The following AGO1 variants were observed in gnomAD, a reference collection of about 807,000 sequenced individuals.
AGO1 encodes argonaute RISC component 1.
In AGO1, 11 loss-of-function variants were observed where a neutral mutation model predicts 109.2. The ratio of observed to expected loss-of-function variants is 0.10; its 90% CI spans 0.06 to 0.17. The LOEUF (loss-of-function observed/expected upper bound fraction) is 0.17, where lower values mean the gene tolerates loss of function less well. Ranked by LOEUF, AGO1 falls within the 10% of genes least tolerant of loss-of-function variation. The pLI, the probability that AGO1 is intolerant of heterozygous loss-of-function variation, is 1.00. For missense variants in AGO1, 574 were observed against 1,140.3 expected, an observed-to-expected ratio of 0.50 and a Z score of 7.15; for synonymous variants, 422 against 418.6, an observed-to-expected ratio of 1.01 and a Z score of -0.10.
At chr1:35,903,716 G>A (rs2148716866) in intron 11 of AGO1, among the ~76,000 whole-genome samples, 1 of 152,056 alleles carries the variant, frequency 6.6e-6, no homozygotes, top group East Asian at 1.9e-4. Context: ...TGTAAACCCA[G>A]CACTTTGGGA....
At chr1:35,918,941 C>T in intron 17 of AGO1, 114 bp from the exon 18 acceptor site, 1 of 936,590 alleles carries the variant, frequency 1.1e-6, no homozygotes, top group South Asian at 1.5e-5. Flanking sequence ...TTTGCATCTG[C>T]CTGTTCATGG....
intron 8 of AGO1, among the ~76,000 whole-genome samples, chr1:35,898,288 GCT>G (rs1645355093): frequency 6.7e-6 from 1 of 148,234 alleles, no homozygotes. Context: ...ACGGAGTATC[GCT>G]CTGTTACCCA....
At chr1:35,916,151 T>A (rs1645732010) in intron 15 of AGO1, among the ~76,000 whole-genome samples, 1 of 152,206 alleles carries the variant, frequency 6.6e-6, no homozygotes, top group Admixed American at 6.5e-5. Context: ...CACTTTCTTT[T>A]TTTTTTCCCT....
intron 1 of AGO1, among the ~76,000 whole-genome samples, chr1:35,870,753 C>T (rs1644943271): frequency 6.6e-6 from 1 of 152,176 alleles, no homozygotes; most frequent in Admixed American, 6.5e-5. Context: ...CCCATTCTTT[C>T]CCCTCTGGGA....
At chr1:35,875,731 G>C (rs1644987409) in intron 1 of AGO1, among the ~76,000 whole-genome samples, 1 of 152,096 alleles carries the variant, frequency 6.6e-6, no homozygotes, top group Non-Finnish European at 1.5e-5. Context: ...AATATTTTAA[G>C]TCCACTCTTT....
chr1:35,887,336 G>T (rs982687015), intron 1 of AGO1, among the ~76,000 whole-genome samples: 4 of 152,114 alleles, frequency 2.6e-5, no homozygotes, highest in Non-Finnish European at 4.4e-5. Context: ...TCCCACCTGG[G>T]CTAGTTCTCT....
At chr1:35,895,674 T>G (rs941982110) in intron 8 of AGO1, among the ~76,000 whole-genome samples, 6 of 152,244 alleles carry the variant, frequency 3.9e-5, no homozygotes, top group Non-Finnish European at 5.9e-5. Context: ...TAAATCATGT[T>G]TCTCCAAGGA....
Position 35,923,663 on chromosome 1 carries a change from G to A in AGO1, c.*4056G>A, listed in dbSNP as rs1395952822. 4 of 152,588 alleles carry A rather than the reference G, an allele frequency of 2.6e-5. No homozygotes were observed. Among genetic ancestry groups the A allele is most frequent in the East Asian group, 3.9e-4 (2 of 5,190 alleles). The allele number at this position is 152,588 out of a possible 1,614,324, so 9.5% of individuals were successfully genotyped here. ...TATTTTCTGGTTTTCGCTTTCCTCC[G>A]ACTTAATAGGACTTGCCTTCTCCCT... On this transcript the variant is annotated 3_prime_UTR_variant, in exon 19 of 19. Transcript: ENST00000373204.
chr1:35,918,368 A>G lies in AGO1; in HGVS notation c.2210A>G (p.Asn737Ser), dbSNP rs775311574. Residue 737 changes from asparagine (N) to serine (S), a missense_variant, in exon 17 of 19, where the codon AAC becomes AGC. Around this residue, in one of 8 missense-constraint regions of AGO1, gnomAD observed 62 missense variants for 192.0 expected, o/e 0.32. Coordinates refer to ENST00000373204, the MANE Select transcript of AGO1 (RefSeq NM_012199.5). Reference protein sequence around the residue: ...NIPAGTTVDTNITHPFEFDFY... With the variant: ...NIPAGTTVDTSITHPFEFDFY... ...CCAGCTGGGACCACAGTGGACACCA[A>G]CATCACCCACCCATTTGAGTTTGAC... is the stretch of plus-strand genomic sequence containing the variant. The G allele has an allele frequency of 1.9e-6, 3 of 1,614,158 alleles. 1 individual carries two copies. The South Asian group carries it at 3.3e-5, about 18-fold the overall frequency.
chr1:35,893,707 G>A lies in AGO1; in HGVS notation c.546G>A (p.Pro182=), dbSNP rs923359271. 3.7e-6 allele frequency: 6 copies of A among 1,613,658 alleles called. No individual in the cohort carries two copies. The East Asian group carries it at 6.7e-5, about 18-fold the overall frequency. Residue 182 remains proline (P), a synonymous_variant, in exon 5 of 19, where the codon CCG becomes CCA. Transcript: ENST00000373204. This position sits in a 1 kb window ranked among gnomAD's most constrained non-coding sequence, Gnocchi z 5.6. ...CTGTGGGCCGCTCCTTCTTCTCACC[G>A]CCTGAGGGCTACTACCACCCGCTGG... ...YTPVGRSFFS[P]PEGYYHPLGG...
intron 1 of AGO1, among the ~76,000 whole-genome samples, chr1:35,874,158 T>C (rs1644974740): frequency 1.3e-5 from 2 of 152,202 alleles, no homozygotes; most frequent in Admixed American, 1.3e-4. Flanking sequence ...GATCTACCAA[T>C]GTCATGGGCT....
chr1:35,902,612 T>G (rs1557612961), intron 11 of AGO1, among the ~76,000 whole-genome samples: 4 of 152,228 alleles, frequency 2.6e-5, no homozygotes, highest in Admixed American at 2.0e-4. Context: ...TTATCATTGG[T>G]AATAAATAGT....
At chr1:35,912,643 G>A (rs1248687632) in intron 12 of AGO1, among the ~76,000 whole-genome samples, 1 of 151,942 alleles carries the variant, frequency 6.6e-6, no homozygotes, top group East Asian at 1.9e-4. Context: ...GTGTGATCTC[G>A]TCTCACTGTA....
At chr1:35,878,494 G>A (rs1645009864), upstream of AGO1, among the ~76,000 whole-genome samples, 1 of 152,166 alleles carries the variant, frequency 6.6e-6, no homozygotes, top group South Asian at 2.1e-4. Context: ...CTTCTTAGCG[G>A]TATGGACTGG....
intron 1 of AGO1, among the ~76,000 whole-genome samples, chr1:35,877,837 C>T (rs1230702139): frequency 2.0e-5 from 3 of 151,490 alleles, no homozygotes; most frequent in African/African-American, 4.9e-5. Context: ...GAGTAGCAGG[C>T]GAGCGCCACC....
In AGO1 at chr1:35,883,358, C is replaced by T. The variant is rs1645061351; in HGVS notation, c.-64C>T. 1.1e-5 allele frequency: 17 copies of T among 1,578,994 alleles called. No individual in the cohort carries two copies. Among genetic ancestry groups the T allele is most frequent in the Non-Finnish European group, 1.4e-5 (16 of 1,165,360 alleles). On this transcript the variant is annotated 5_prime_UTR_variant, in exon 1 of 19. Coordinates refer to ENST00000373204, the MANE Select transcript of AGO1 (RefSeq NM_012199.5). The surrounding 1 kb of genome is among the most constrained non-coding windows in gnomAD (Gnocchi z 5.4). ...TCCCGAGCAGCGAGAGTGTGGGGTACCTAGGCCCCTCACGCTGGACTTCAC... is the reference window on the plus strand; with the variant it reads ...TCCCGAGCAGCGAGAGTGTGGGGTATCTAGGCCCCTCACGCTGGACTTCAC...
intron 12 of AGO1, among the ~76,000 whole-genome samples, chr1:35,911,910 T>C (rs1399354188): frequency 6.6e-6 from 1 of 152,204 alleles, no homozygotes; most frequent in African/African-American, 2.4e-5. Flanking sequence ...TTGGCACTCG[T>C]GATACAACAC....
upstream of AGO1, among the ~76,000 whole-genome samples, chr1:35,878,267 A>G (rs1571333979): frequency 6.6e-6 from 1 of 151,544 alleles, no homozygotes. Flanking sequence ...TTGTATTTTT[A>G]GTAGAGATGG....
intron 1 of AGO1, among the ~76,000 whole-genome samples, chr1:35,886,218 C>G (rs1438431845): frequency 6.6e-6 from 1 of 152,118 alleles, no homozygotes; most frequent in East Asian, 1.9e-4. Flanking sequence ...TGCTGGGGCC[C>G]TCATCTGCAT....
Sources: allele counts gnomAD v4.1 joint callset (sites outside exome capture counted in the v4.1 genomes callset), GRCh38; gene constraint gnomAD v4.1.1; regional missense constraint gnomAD v4.1.1; non-coding constraint Gnocchi (gnomAD v3.1); transcripts MANE v1.5; gene names NCBI Gene and HGNC (gene_info 2026-07-23, HGNC 2026-07-21).